FARS2: variants seen among roughly 807,000 people sequenced by gnomAD.
FARS2 encodes the protein phenylalanyl-tRNA synthetase 2, mitochondrial, also known as phenylalanine--tRNA ligase, mitochondrial.
In FARS2, 40 loss-of-function variants were observed where a neutral mutation model predicts 46.4. The observed-to-expected ratio is 0.86, with a 90% CI of 0.67 to 1.12. The LOEUF (loss-of-function observed/expected upper bound fraction) is 1.12, where lower values mean the gene tolerates loss of function less well. Ranked by LOEUF, FARS2 falls within the 50% of genes most tolerant of loss-of-function variation. The pLI is 0.00. For missense variants in FARS2, 513 were observed against 567.9 expected, an observed-to-expected ratio of 0.90 and a Z score of 0.98; for synonymous variants, 234 against 214.9, an observed-to-expected ratio of 1.09 and a Z score of -0.78.
At chr6:5,594,752 C>T (rs867707479) in intron 5 of FARS2, among the ~76,000 whole-genome samples, 2 of 152,126 alleles carry the variant, frequency 1.3e-5, no homozygotes, top group Non-Finnish European at 2.9e-5. Flanking sequence ...AGGAGGGACC[C>T]GTGGGGCTGG....
chr6:5,551,563 G>C (rs1477752154), intron 5 of FARS2, among the ~76,000 whole-genome samples: 1 of 152,122 alleles, frequency 6.6e-6, no homozygotes, highest in East Asian at 1.9e-4. Context: ...CTCACTTCCA[G>C]ATACAAAAAT....
At chr6:5,280,777 G>A (rs1766663886) in intron 1 of FARS2, among the ~76,000 whole-genome samples, 1 of 151,740 alleles carries the variant, frequency 6.6e-6, no homozygotes, top group Non-Finnish European at 1.5e-5. Flanking sequence ...GGCCTTCGCA[G>A]CCTCAGAAAG....
At chr6:5,337,476 T>A (rs1374022315) in intron 1 of FARS2, among the ~76,000 whole-genome samples, 3 of 152,198 alleles carry the variant, frequency 2.0e-5, no homozygotes, top group Non-Finnish European at 4.4e-5. Flanking sequence ...AAGGAATATC[T>A]CCTTTTTAAA....
intron 1 of FARS2, among the ~76,000 whole-genome samples, chr6:5,302,847 A>G (rs1462112949): frequency 2.6e-5 from 4 of 152,120 alleles, no homozygotes; most frequent in Non-Finnish European, 4.4e-5. Flanking sequence ...AGATCAGCAT[A>G]AGGAGGGCTG....
At chr6:5,486,669 G>A (rs1766793999) in intron 4 of FARS2, among the ~76,000 whole-genome samples, 2 of 152,230 alleles carry the variant, frequency 1.3e-5, no homozygotes, top group South Asian at 4.1e-4. Flanking sequence ...TTGTTAATGA[G>A]CCAAATGTGA....
chr6:5,699,510 AT>A (rs376040816), intron 6 of FARS2, among the ~76,000 whole-genome samples: 430 of 142,102 alleles, frequency 3.0e-3, no homozygotes, highest in Middle Eastern at 3.7e-3. Flanking sequence ...ATCACAGGAG[AT>A]TTTTTTTTTT....
At chr6:5,759,971 T>G (rs1463403492) in intron 6 of FARS2, among the ~76,000 whole-genome samples, 1 of 152,206 alleles carries the variant, frequency 6.6e-6, no homozygotes. Flanking sequence ...TAGAATATTG[T>G]AGACGGAGGA....
intron 4 of FARS2, among the ~76,000 whole-genome samples, chr6:5,484,658 C>T (rs906780529): frequency 5.3e-5 from 8 of 152,202 alleles, no homozygotes; most frequent in African/African-American, 1.9e-4. Flanking sequence ...TCAGTGGTCC[C>T]AGGGTGAAAA....
intron 6 of FARS2, among the ~76,000 whole-genome samples, chr6:5,708,838 AT>A (rs1223236162): frequency 6.6e-6 from 1 of 152,120 alleles, no homozygotes; most frequent in Non-Finnish European, 1.5e-5. Flanking sequence ...TTTTTAAATT[AT>A]TTTTTGTAGA....
intron 6 of FARS2, among the ~76,000 whole-genome samples, chr6:5,708,277 C>G (rs780975498): frequency 1.4e-4 from 21 of 152,152 alleles, no homozygotes; most frequent in Non-Finnish European, 2.2e-4. Context: ...TGGGTTGAAC[C>G]TAAATCTTGC....
chr6:5,312,523 C>T (rs1428626414), intron 1 of FARS2, among the ~76,000 whole-genome samples: 1 of 152,164 alleles, frequency 6.6e-6, no homozygotes, highest in East Asian at 1.9e-4. Flanking sequence ...AATATCAAAA[C>T]TTCAAAGATT....
chr6:5,392,381 T>C (rs1199307893), intron 2 of FARS2, among the ~76,000 whole-genome samples: 1 of 152,210 alleles, frequency 6.6e-6, no homozygotes, highest in African/African-American at 2.4e-5. Context: ...TACTGTGTTT[T>C]ACAGTTATAT....
intron 1 of FARS2, among the ~76,000 whole-genome samples, chr6:5,352,130 T>G (rs1013868365): frequency 1.3e-5 from 2 of 150,538 alleles, no homozygotes; most frequent in South Asian, 2.1e-4. Context: ...GGTTTTTTTT[T>G]TGTGATTTTT....
At chr6:5,336,175 A>G (rs991528615) in intron 1 of FARS2, among the ~76,000 whole-genome samples, 3 of 152,026 alleles carry the variant, frequency 2.0e-5, no homozygotes, top group Admixed American at 2.0e-4. Context: ...TATTTTTCAG[A>G]TACTAAAAGT....
At chr6:5,574,949 G>A (rs192108014) in intron 5 of FARS2, among the ~76,000 whole-genome samples, 4 of 141,956 alleles carry the variant, frequency 2.8e-5, no homozygotes, top group Non-Finnish European at 4.4e-5. Flanking sequence ...TTCCGTTTAC[G>A]TTTGATTGAA....
intron 6 of FARS2, among the ~76,000 whole-genome samples, chr6:5,737,509 C>T (rs559481761): frequency 6.6e-5 from 10 of 152,156 alleles, no homozygotes; most frequent in Non-Finnish European, 1.5e-4. Context: ...CCAGCCTGGG[C>T]GACAGAGCAA....
intron 2 of FARS2, among the ~76,000 whole-genome samples, chr6:5,403,035 C>T (rs1761353615): frequency 6.6e-6 from 1 of 152,166 alleles, no homozygotes. Flanking sequence ...GCCTGCCTGC[C>T]TGCCTGCCAA....
At chr6:5,381,872 C>G (rs984838972) in intron 2 of FARS2, among the ~76,000 whole-genome samples, 2 of 152,108 alleles carry the variant, frequency 1.3e-5, no homozygotes, top group African/African-American at 4.8e-5. Context: ...TGGGGGAAAC[C>G]AAGGGAAAAG....
chr6:5,540,106 G>A (rs557552759), intron 4 of FARS2, among the ~76,000 whole-genome samples: 8 of 152,220 alleles, frequency 5.3e-5, no homozygotes, highest in African/African-American at 1.4e-4. Flanking sequence ...CAGTGCATGC[G>A]TGGGTCCGGC....
Sources: allele counts gnomAD v4.1 joint callset (sites outside exome capture counted in the v4.1 genomes callset), GRCh38; gene constraint gnomAD v4.1.1; transcripts MANE v1.5; gene names NCBI Gene and HGNC (gene_info 2026-07-23, HGNC 2026-07-21).